Variants in PDLIM1 observed in about 807,000 individuals in gnomAD.
PDLIM1 encodes the protein PDZ and LIM domain 1, also known as PDZ and LIM domain protein 1.
PDLIM1 carries 25 observed loss-of-function variants against 35.2 expected under a neutral mutation model. The ratio of observed to expected loss-of-function variants is 0.71; its 90% CI spans 0.52 to 0.99. PDLIM1 has a LOEUF of 0.99. PDLIM1 is among the 50% of genes least tolerant of loss of function. The pLI is 0.00. For synonymous variants in PDLIM1, 152 were observed against 154.0 expected (o/e 0.99, Z 0.10); for missense variants, 363 against 415.3 (o/e 0.87, Z 1.09).
intron 5 of PDLIM1, among the ~76,000 whole-genome samples, chr10:95,244,782 C>G (rs947378610): frequency 6.6e-6 from 1 of 152,138 alleles, no homozygotes; most frequent in African/African-American, 2.4e-5. Flanking sequence ...CATCTGTAAT[C>G]TCAGATACTT....
chr10:95,290,596 G>A lies in PDLIM1; in HGVS notation c.96+224C>T, dbSNP rs1161293138. Among the ~76,000 whole-genome samples the A allele has an allele frequency of 2.6e-5, 4 of 152,054 alleles. No homozygotes were observed. Among genetic ancestry groups the A allele is most frequent in the African/African-American group, 9.7e-5 (4 of 41,420 alleles). ...TGCCTTCTTTTTTTCTGGCGGACAC[G>A]GAGCGCGCCCGCGGCGGGCCGACCA... On this transcript the variant is annotated intron_variant, in intron 1 of 6. Coordinates refer to ENST00000329399, the MANE Select transcript of PDLIM1 (RefSeq NM_020992.4). The surrounding 1 kb of genome is among the most constrained non-coding windows in gnomAD (Gnocchi z 4.7).
intron 3 of PDLIM1, among the ~76,000 whole-genome samples, chr10:95,265,747 C>T (rs886954428): frequency 6.6e-5 from 6 of 91,150 alleles, no homozygotes; most frequent in African/African-American, 1.9e-4. Context: ...AGACCCCATC[C>T]GTAAAAAAAA....
Position 95,249,473 on chromosome 10 carries a change from G to A in PDLIM1, c.534-2107C>T, listed in dbSNP as rs143164218. 5.5e-3 allele frequency among the ~76,000 whole-genome samples: 833 copies of A among 152,348 alleles called. 2 individuals carry two copies. The highest frequency in any genetic ancestry group is 0.014 in the South Asian group (67 of 4,832). ...AAGCTATAAAGTCTCCAGCCCACCA[G>A]GCTGCCTCCCAGCTTTACAGATGCA... On this transcript the variant is annotated intron_variant, in intron 4 of 6. Transcript: ENST00000329399.
At chr10:95,257,279 G>T (rs115983895) in intron 4 of PDLIM1, among the ~76,000 whole-genome samples, 4,118 of 151,746 alleles carry the variant, frequency 0.027, 161 homozygotes, top group African/African-American at 0.09. Context: ...ATGATTTCTT[G>T]AATATGACAC....
At chr10:95,258,740 G>A (rs1319466470) in intron 4 of PDLIM1, among the ~76,000 whole-genome samples, 2 of 152,138 alleles carry the variant, frequency 1.3e-5, no homozygotes, top group African/African-American at 4.8e-5. Context: ...AAGTTCTAGA[G>A]ATGTGTTGCA....
chr10:95,262,054 G>A (rs2035368222), intron 4 of PDLIM1, among the ~76,000 whole-genome samples: 1 of 151,834 alleles, frequency 6.6e-6, no homozygotes, highest in African/African-American at 2.4e-5. Flanking sequence ...TCCTCTCAGT[G>A]TCAGGCACAG....
intron 4 of PDLIM1, among the ~76,000 whole-genome samples, chr10:95,252,299 C>A (rs2035274495): frequency 6.6e-6 from 1 of 152,128 alleles, no homozygotes; most frequent in African/African-American, 2.4e-5. Context: ...AGCCAGAACT[C>A]CCACCCCATC....
intron 1 of PDLIM1, among the ~76,000 whole-genome samples, chr10:95,289,892 G>T (rs1213645947): frequency 6.6e-6 from 1 of 152,226 alleles, no homozygotes; most frequent in Non-Finnish European, 1.5e-5. Context: ...CCCAAGCACT[G>T]AACGTGACAT....
At chr10:95,247,696 A>G (rs1055948801) in intron 4 of PDLIM1, 1 of 190,708 alleles carries the variant, frequency 5.2e-6, no homozygotes, top group African/African-American at 2.3e-5. Flanking sequence ...GAAAATTTAG[A>G]GAAAAAAAAA....
intron 4 of PDLIM1, among the ~76,000 whole-genome samples, chr10:95,251,659 C>T (rs78067889): frequency 1.8e-4 from 27 of 152,278 alleles, no homozygotes; most frequent in East Asian, 5.8e-4. Context: ...ACGGGGATTA[C>T]GTGAATTATT....
intron 4 of PDLIM1, among the ~76,000 whole-genome samples, chr10:95,257,809 A>T (rs1220889784): frequency 1.3e-5 from 2 of 152,238 alleles, no homozygotes; most frequent in Non-Finnish European, 2.9e-5. Context: ...ATACAAAAGA[A>T]ATGAAGAAGG....
In PDLIM1 at chr10:95,253,591, G is replaced by GGTGGCA. The variant is rs2035285835; in HGVS notation, c.534-6231_534-6226dup. On this transcript the variant is annotated intron_variant, in intron 4 of 6. Coordinates refer to ENST00000329399, the MANE Select transcript of PDLIM1 (RefSeq NM_020992.4). ...CAATCACCTGAACCCGGGAGGTGGA[G>GGTGGCA]GTGGCAGTAAGCGGAGATCGCACCA... Among the ~76,000 whole-genome samples the GGTGGCA allele has an allele frequency of 2.6e-5, 4 of 151,890 alleles. No homozygotes were observed. In the South Asian group the frequency reaches 8.3e-4, roughly 32 times the overall value.
chr10:95,286,346 C>A (rs2035601746), intron 1 of PDLIM1, among the ~76,000 whole-genome samples: 1 of 139,164 alleles, frequency 7.2e-6, no homozygotes, highest in Non-Finnish European at 1.6e-5. Context: ...AACAGAGCGA[C>A]ACCCTGTCTC....
At chr10:95,264,119 ATGGGCAG>A (rs1266742461) in intron 3 of PDLIM1, 56 bp from the exon 4 acceptor site, 3 of 1,468,944 alleles carry the variant, frequency 2.0e-6, no homozygotes, top group African/African-American at 2.8e-5. Context: ...AAACCCCTTG[ATGGGCAG>A]TGCAGGCTGA....
chr10:95,274,736 C>T (rs1010113944), intron 1 of PDLIM1, among the ~76,000 whole-genome samples: 2 of 152,132 alleles, frequency 1.3e-5, no homozygotes, highest in Non-Finnish European at 2.9e-5. Flanking sequence ...TTTTGTCTGC[C>T]TTCTGTGCTG....
chr10:95,275,824 C>T (rs2035506331), intron 1 of PDLIM1, among the ~76,000 whole-genome samples: 1 of 152,094 alleles, frequency 6.6e-6, no homozygotes, highest in Admixed American at 6.5e-5. Flanking sequence ...AAGCTAGAAC[C>T]AGTCTTAGGC....
At chr10:95,247,912 C>A (rs1428513886) in intron 4 of PDLIM1, among the ~76,000 whole-genome samples, 2 of 152,252 alleles carry the variant, frequency 1.3e-5, no homozygotes, top group Non-Finnish European at 2.9e-5. Context: ...CTTTCCTTGC[C>A]TGGTTCACAG....
intron 5 of PDLIM1, among the ~76,000 whole-genome samples, chr10:95,244,989 T>C (rs2035207614): frequency 6.6e-6 from 1 of 152,186 alleles, no homozygotes; most frequent in Non-Finnish European, 1.5e-5. Flanking sequence ...ATGGAATTTA[T>C]CCTGTTACTG....
At chr10:95,265,320 C>T (rs1270093735) in intron 3 of PDLIM1, among the ~76,000 whole-genome samples, 1 of 152,098 alleles carries the variant, frequency 6.6e-6, no homozygotes, top group African/African-American at 2.4e-5. Context: ...TTGGGCCGAG[C>T]GTGGTGGCTC....
Sources: allele counts gnomAD v4.1 joint callset (sites outside exome capture counted in the v4.1 genomes callset), GRCh38; gene constraint gnomAD v4.1.1; non-coding constraint Gnocchi (gnomAD v3.1); transcripts MANE v1.5; gene names NCBI Gene and HGNC (gene_info 2026-07-23, HGNC 2026-07-21).